The following DCP2 variants were observed in gnomAD, a reference collection of about 807,000 sequenced individuals.
DCP2 encodes the protein decapping mRNA 2.
A neutral mutation model predicts 56.1 loss-of-function variants in DCP2; 30 were observed. That is an observed-to-expected ratio of 0.53 (90% CI 0.40 to 0.73). The LOEUF (loss-of-function observed/expected upper bound fraction) is 0.73, where lower values mean the gene tolerates loss of function less well. Among genes scored for constraint, DCP2 ranks in the 30% least tolerant of loss-of-function variants. The probability of loss-of-function intolerance (pLI) is 0.00; values close to 1 mark genes in which losing one functional copy is unlikely to be tolerated. For missense variants in DCP2, 533 were observed against 502.7 expected (o/e 1.06, Z -0.58); for synonymous variants, 197 against 163.3 (o/e 1.21, Z -1.57).
At chr5:112,997,871 C>A (rs1419421225) in intron 4 of DCP2, among the ~76,000 whole-genome samples, 1 of 152,078 alleles carries the variant, frequency 6.6e-6, no homozygotes, top group South Asian at 2.1e-4. Context: ...CCTTGGCCTC[C>A]CAAAGTGCTG....
At chr5:113,002,796 T>C (rs1470084253) in intron 7 of DCP2, among the ~76,000 whole-genome samples, 1 of 152,252 alleles carries the variant, frequency 6.6e-6, no homozygotes, top group Non-Finnish European at 1.5e-5. Context: ...GTTTTGAGAT[T>C]ACGGGCGTGA....
intron 1 of DCP2, among the ~76,000 whole-genome samples, chr5:112,977,539 T>A (rs1052057190): frequency 1.3e-5 from 2 of 152,224 alleles, no homozygotes; most frequent in Admixed American, 6.5e-5. Flanking sequence ...GAATTACTTT[T>A]TTTTTCTCAT....
At chr5:113,007,443 C>G (rs1392483841) in intron 8 of DCP2, among the ~76,000 whole-genome samples, 1 of 150,694 alleles carries the variant, frequency 6.6e-6, no homozygotes, top group Non-Finnish European at 1.5e-5. Context: ...CTCTGTTGCC[C>G]AGGCTGTAGT....
At chr5:112,985,656 T>C (rs1271772288) in intron 1 of DCP2, among the ~76,000 whole-genome samples, 179 bp from the exon 2 acceptor site, 2 of 152,212 alleles carry the variant, frequency 1.3e-5, no homozygotes, top group Non-Finnish European at 2.9e-5. Context: ...ATGTGGTGTC[T>C]CCTCTCTAAG....
At chr5:112,986,064 T>G (rs1748269242) in intron 2 of DCP2, 78 bp downstream of exon 2, 1 of 1,406,158 alleles carries the variant, frequency 7.1e-7, no homozygotes, top group Non-Finnish European at 9.5e-7. Flanking sequence ...TGCTTGCCTT[T>G]TCAGATTTTA....
At chr5:113,006,749 T>A (rs1749455442) in intron 8 of DCP2, among the ~76,000 whole-genome samples, 1 of 152,196 alleles carries the variant, frequency 6.6e-6, no homozygotes, top group Admixed American at 6.5e-5. Flanking sequence ...ACTTAAGAAT[T>A]TTTTGGTAGG....
intron 4 of DCP2, among the ~76,000 whole-genome samples, chr5:112,998,656 T>A (rs955953899): frequency 2.0e-5 from 3 of 152,180 alleles, no homozygotes; most frequent in Admixed American, 2.0e-4. Flanking sequence ...GAGGATGAGA[T>A]AGTGTCGTAT....
intron 2 of DCP2, among the ~76,000 whole-genome samples, chr5:112,988,284 C>T (rs1194442907): frequency 6.7e-6 from 1 of 149,886 alleles, no homozygotes; most frequent in African/African-American, 2.5e-5. Flanking sequence ...AGATCGAGAC[C>T]ATCCTGGCCA....
chr5:113,007,129 T>TA lies in DCP2; in HGVS notation c.943-799dup, dbSNP rs534334249. ...CTGGGCAACAAAGTGAGACTCCATT[T>TA]AAAAAAAAAATAATAGTAATCTTTG... On this transcript the variant is annotated intron_variant, in intron 8 of 10. Transcript: ENST00000389063. Among the ~76,000 whole-genome samples the TA allele has an allele frequency of 4.1e-3, 614 of 149,546 alleles. 2 individuals carry two copies. Among genetic ancestry groups the TA allele is most frequent in the Middle Eastern group, 0.035 (10 of 288 alleles).
chr5:112,988,827 C>T (rs1246370390), intron 2 of DCP2, among the ~76,000 whole-genome samples: 1 of 152,160 alleles, frequency 6.6e-6, no homozygotes, highest in Non-Finnish European at 1.5e-5. Flanking sequence ...TCCTCTTTTG[C>T]TTTGGTCATT....
Position 113,001,569 on chromosome 5 carries a change from C to T in DCP2, c.701C>T (p.Pro234Leu). ...KFFMAIPFIR[P>L]LRDWLSRRFG... ...GTGAATTCTTAATGTTTCTGCAGAC[C>T]ATTAAGGGACTGGCTTTCTCGAAGA... The change falls in exon 7 of 11, where the codon CCA (proline) becomes CTA (leucine). Residue 234 changes from proline (P) to leucine (L), a missense_variant and splice_region_variant. Coordinates refer to ENST00000389063, the MANE Select transcript of DCP2 (RefSeq NM_152624.6). 1 of 1,614,014 alleles carries T rather than the reference C, an allele frequency of 6.2e-7. No homozygotes were observed. Among genetic ancestry groups the T allele is most frequent in the Non-Finnish European group, 8.5e-7 (1 of 1,179,902 alleles).
intron 1 of DCP2, among the ~76,000 whole-genome samples, chr5:112,977,189 C>T (rs527630099): frequency 1.3e-5 from 2 of 152,108 alleles, no homozygotes; most frequent in South Asian, 4.1e-4. Context: ...CAAGGCCCTC[C>T]GTCCTTCCCC....
chr5:113,009,340 A>G (rs1258270710), intron 9 of DCP2, among the ~76,000 whole-genome samples: 1 of 152,250 alleles, frequency 6.6e-6, no homozygotes, highest in Non-Finnish European at 1.5e-5. Context: ...GAGAGCAAGT[A>G]TATGAGCAGT....
chr5:113,000,420 A>ACACACACACACACCCCCACACCCCCC (rs112449298), intron 4 of DCP2, among the ~76,000 whole-genome samples: 13 of 146,762 alleles, frequency 8.9e-5, no homozygotes, highest in Non-Finnish European at 2.0e-4. Context: ...ACACACACAC[A>ACACACACACACACCCCCACACCCCCC]CACACCCACA....
chr5:112,992,960 T>G (rs556650383), intron 4 of DCP2, among the ~76,000 whole-genome samples, 190 bp downstream of exon 4: 3 of 152,272 alleles, frequency 2.0e-5, no homozygotes, highest in Admixed American at 1.3e-4. Flanking sequence ...CATTTATTCT[T>G]ATCTGTTCCC....
intron 4 of DCP2, among the ~76,000 whole-genome samples, chr5:112,993,954 T>C (rs998535730): frequency 6.6e-6 from 1 of 151,466 alleles, no homozygotes; most frequent in Non-Finnish European, 1.5e-5. Flanking sequence ...TAGTTTTAAT[T>C]TTTATTTATT....
intron 8 of DCP2, among the ~76,000 whole-genome samples, chr5:113,007,432 C>T (rs1272606191): frequency 6.7e-6 from 1 of 148,214 alleles, no homozygotes; most frequent in Non-Finnish European, 1.5e-5. Context: ...AGATAGTCTC[C>T]CTCTGTTGCC....
At chr5:112,990,583 A>G (rs946337756) in intron 2 of DCP2, among the ~76,000 whole-genome samples, 15 of 152,062 alleles carry the variant, frequency 9.9e-5, no homozygotes, top group Non-Finnish European at 8.8e-5. Flanking sequence ...TGCACTAATT[A>G]TATTGAGATT....
At chr5:112,984,701 A>ATATATATATATATATATATAT (rs1181496332) in intron 1 of DCP2, 86 of 79,484 alleles carry the variant, frequency 1.1e-3, no homozygotes, top group East Asian at 2.9e-3. Context: ...AAAAAAAAAA[A>ATATATATATATATATATATAT]AAATATATAT....
Sources: gnomAD v4.1 joint callset for allele counts (sites outside exome capture counted in the v4.1 genomes callset) on GRCh38, gnomAD v4.1.1 for gene constraint, MANE v1.5 for transcripts, NCBI Gene and HGNC (gene_info 2026-07-23, HGNC 2026-07-21) for gene names.